ATP8B4: variants seen among roughly 807,000 people sequenced by gnomAD.
The protein encoded by ATP8B4 is probable phospholipid-transporting ATPase IM.
A neutral mutation model predicts 145.6 loss-of-function variants in ATP8B4; 133 were observed. The ratio of observed to expected loss-of-function variants is 0.91; its 90% CI spans 0.79 to 1.05. ATP8B4 has a LOEUF of 1.05. Among genes scored for constraint, ATP8B4 ranks in the 50% least tolerant of loss-of-function variants. ATP8B4 has a pLI of 0.00. For missense variants in ATP8B4, 1,458 were observed against 1,425.2 expected (o/e 1.02, Z -0.37); for synonymous variants, 507 against 492.9 (o/e 1.03, Z -0.38).
chr15:49,953,368 G>T (rs908362834), intron 14 of ATP8B4, among the ~76,000 whole-genome samples: 7 of 152,188 alleles, frequency 4.6e-5, no homozygotes, highest in African/African-American at 1.7e-4. Context: ...TAGGGGCTCA[G>T]GTCCAGGGAA....
At chr15:50,175,408 T>C (rs2044747281) in intron 1 of ATP8B4, among the ~76,000 whole-genome samples, 2 of 152,184 alleles carry the variant, frequency 1.3e-5, no homozygotes, top group South Asian at 2.1e-4. Context: ...AAAGGACTAA[T>C]ATCCAGAATC....
chr15:50,088,359 AAAAC>A (rs369821807), intron 2 of ATP8B4, among the ~76,000 whole-genome samples: 1,573 of 152,002 alleles, frequency 0.01, 22 homozygotes, highest in African/African-American at 0.036. Flanking sequence ...AAAAAAACAA[AAAAC>A]AAACAAACAA....
intron 3 of ATP8B4, among the ~76,000 whole-genome samples, chr15:50,058,453 CAAT>C (rs1271701565): frequency 2.0e-5 from 3 of 152,096 alleles, no homozygotes; most frequent in Non-Finnish European, 4.4e-5. Context: ...GTGTTTACAA[CAAT>C]AAGAAAGACA....
intron 3 of ATP8B4, among the ~76,000 whole-genome samples, chr15:50,048,639 C>T (rs1289752829): frequency 6.6e-6 from 1 of 150,440 alleles, no homozygotes; most frequent in Non-Finnish European, 1.5e-5. Flanking sequence ...ACCCAGGAAG[C>T]GGAGGTCGCA....
chr15:50,107,008 C>A lies in ATP8B4; in HGVS notation c.-42G>T, dbSNP rs369168426. 399 of 1,533,014 alleles carry A rather than the reference C, an allele frequency of 2.6e-4. No homozygotes were observed. Among genetic ancestry groups the A allele is most frequent in the Non-Finnish European group, 3.3e-4 (383 of 1,145,816 alleles). 95.0% of individuals were successfully genotyped at this position (1,533,014 alleles called of 1,614,324 possible). A position where few individuals can be genotyped will look rare whatever the true frequency, so the allele number is the denominator to read the frequency against. On this transcript the variant is annotated splice_region_variant and 5_prime_UTR_variant, in exon 2 of 28. Coordinates refer to ENST00000284509, the MANE Select transcript of ATP8B4 (RefSeq NM_024837.4). ...TCACCAGGTCTCAACAGGTGGCCTACCTAAGAAAAAGAAGTATGCATATTA... is the reference window on the plus strand; with the variant it reads ...TCACCAGGTCTCAACAGGTGGCCTAACTAAGAAAAAGAAGTATGCATATTA...
intron 1 of ATP8B4, among the ~76,000 whole-genome samples, chr15:50,167,338 C>T (rs2044609894): frequency 1.3e-5 from 2 of 152,192 alleles, no homozygotes; most frequent in Admixed American, 1.3e-4. Flanking sequence ...CTTCTGAACA[C>T]TCTGAGGGAG....
chr15:50,044,923 G>A (rs986609816), intron 4 of ATP8B4, among the ~76,000 whole-genome samples: 3 of 152,082 alleles, frequency 2.0e-5, no homozygotes, highest in East Asian at 1.9e-4. Flanking sequence ...TATAGCAAGG[G>A]GAGAAGCTTC....
chr15:50,087,609 C>T lies in ATP8B4; in HGVS notation c.29-13424G>A, dbSNP rs552356405. Among the ~76,000 whole-genome samples the T allele has an allele frequency of 4.0e-5, 6 of 151,718 alleles. No homozygotes were observed. In the South Asian group the frequency reaches 1.2e-3, roughly 32 times the overall value. ...AATAAAATGCATTAGAATTCCTGTG[C>T]TTTTGAGCATAAACCTACTTATAGC... On this transcript the variant is annotated intron_variant, in intron 2 of 27. Transcript: ENST00000284509.
intron 1 of ATP8B4, among the ~76,000 whole-genome samples, chr15:50,162,051 A>T (rs552295121): frequency 2.6e-5 from 4 of 151,866 alleles, no homozygotes; most frequent in East Asian, 3.9e-4. Context: ...CTAGGATAAA[A>T]ATTTTTTTTA....
intron 13 of ATP8B4, among the ~76,000 whole-genome samples, chr15:49,962,636 C>T (rs2044182512): frequency 6.6e-6 from 1 of 152,064 alleles, no homozygotes; most frequent in Non-Finnish European, 1.5e-5. Context: ...AAATCACTTC[C>T]CTTCATCCAG....
chr15:49,995,766 G>C (rs780007367), intron 9 of ATP8B4, among the ~76,000 whole-genome samples: 11 of 152,100 alleles, frequency 7.2e-5, no homozygotes, highest in Non-Finnish European at 1.2e-4. Context: ...AAATCCATTA[G>C]TAAATAAAGC....
chr15:50,033,202 C>G (rs1435355757), intron 6 of ATP8B4, among the ~76,000 whole-genome samples: 1 of 152,164 alleles, frequency 6.6e-6, no homozygotes, highest in Non-Finnish European at 1.5e-5. Context: ...TGGAAACAGG[C>G]CTATGAGAGC....
chr15:50,120,644 G>A (rs1287353790), upstream of ATP8B4, among the ~76,000 whole-genome samples: 1 of 152,076 alleles, frequency 6.6e-6, no homozygotes, highest in Non-Finnish European at 1.5e-5. Context: ...TTACCTTATA[G>A]AAAACCACAC....
chr15:50,136,086 G>C (rs1457457230), intron 1 of ATP8B4, among the ~76,000 whole-genome samples: 2 of 152,042 alleles, frequency 1.3e-5, no homozygotes, highest in East Asian at 3.9e-4. Context: ...TGATTGAGTC[G>C]ATTACTGTGA....
At chr15:49,916,849 A>G in intron 20 of ATP8B4, 85 bp downstream of exon 20, 1 of 1,247,528 alleles carries the variant, frequency 8.0e-7, no homozygotes, top group Non-Finnish European at 1.2e-6. Flanking sequence ...ACTATAGCAT[A>G]GCTTTTCACT....
chr15:50,044,820 A>T, intron 4 of ATP8B4, 128 bp from the exon 5 acceptor site: 1 of 595,502 alleles, frequency 1.7e-6, no homozygotes, highest in Non-Finnish European at 2.9e-6. Context: ...ATGACTTTCA[A>T]TAATTTAAGT....
At chr15:50,147,650 T>C (rs2044296466) in intron 1 of ATP8B4, among the ~76,000 whole-genome samples, 1 of 152,042 alleles carries the variant, frequency 6.6e-6, no homozygotes. Context: ...CATCAGAACA[T>C]GCTCAAAAGC....
At chr15:50,021,422 G>T (rs1239034956) in intron 6 of ATP8B4, among the ~76,000 whole-genome samples, 1 of 152,052 alleles carries the variant, frequency 6.6e-6, no homozygotes, top group African/African-American at 2.4e-5. Flanking sequence ...CTAGGAATTG[G>T]CTCTTGCCAG....
intron 9 of ATP8B4, among the ~76,000 whole-genome samples, chr15:49,993,275 G>T (rs1356690372): frequency 1.3e-5 from 2 of 150,704 alleles, no homozygotes; most frequent in Non-Finnish European, 3.0e-5. Flanking sequence ...AAGAAGTGAA[G>T]GAAGACGATG....
Sources: allele counts gnomAD v4.1 joint callset (sites outside exome capture counted in the v4.1 genomes callset), GRCh38; gene constraint gnomAD v4.1.1; transcripts MANE v1.5; gene names NCBI Gene and HGNC (gene_info 2026-07-23, HGNC 2026-07-21).